Variants in TMEM39B observed in about 807,000 individuals in gnomAD.
TMEM39B encodes the protein transmembrane protein 39B.
Under a neutral mutation model 52.2 loss-of-function variants are expected in TMEM39B, and 23 were observed. The observed-to-expected ratio is 0.44, with a 90% CI of 0.32 to 0.62. The LOEUF (loss-of-function observed/expected upper bound fraction) is 0.62, where lower values mean the gene tolerates loss of function less well. TMEM39B is among the 20% of genes least tolerant of loss of function. The pLI is 0.06. For missense variants in TMEM39B, 547 were observed against 642.0 expected, an observed-to-expected ratio of 0.85 and a Z score of 1.60; for synonymous variants, 285 against 264.0, an observed-to-expected ratio of 1.08 and a Z score of -0.77.
At chr1:32,075,486 A>T (rs1639815469) in intron 2 of TMEM39B, 117 bp from the exon 3 acceptor site, 1 of 1,049,570 alleles carries the variant, frequency 9.5e-7, no homozygotes, top group African/African-American at 1.6e-5. Flanking sequence ...GATTAGGAAG[A>T]CCCCGTCCTT....
chr1:32,072,232 T>A (rs970272705), upstream of TMEM39B: 6 of 152,132 alleles, frequency 3.9e-5, no homozygotes, highest in African/African-American at 1.4e-4. Context: ...GAGGGAAGAA[T>A]CCTAATGACA....
intron 5 of TMEM39B, among the ~76,000 whole-genome samples, chr1:32,080,680 A>G (rs1168096190): frequency 1.3e-5 from 2 of 151,546 alleles, no homozygotes; most frequent in Admixed American, 6.6e-5. Flanking sequence ...GTCTCAAAAA[A>G]AAAAAAAAAA....
intron 1 of TMEM39B, chr1:32,073,558 C>A (rs1362495599): frequency 1.4e-5 from 14 of 992,276 alleles, no homozygotes; most frequent in African/African-American, 3.5e-5. Flanking sequence ...AGCTTCTGGG[C>A]TGAGGGGCTT....
intron 7 of TMEM39B, among the ~76,000 whole-genome samples, chr1:32,099,213 G>A (rs1640925604): frequency 6.7e-6 from 1 of 150,080 alleles, no homozygotes. Context: ...AGCCTGGGCG[G>A]CAGAGTGAGA....
chr1:32,084,668 C>G (rs1640262195), intron 5 of TMEM39B, among the ~76,000 whole-genome samples: 1 of 152,054 alleles, frequency 6.6e-6, no homozygotes, highest in Non-Finnish European at 1.5e-5. Flanking sequence ...CTCCCGAGTT[C>G]AAGTGATTCT....
chr1:32,076,767 TC>T lies in TMEM39B; in HGVS notation c.358del (p.His120IlefsTer2), dbSNP rs1339481511. On this transcript the variant is annotated frameshift_variant, in exon 4 of 9. Coordinates refer to ENST00000336294, the MANE Select transcript of TMEM39B (RefSeq NM_018056.4). LOFTEE classifies it high-confidence loss of function. ...SHPPSHTSLN[F>X]HLIDFNLLMV... ...CAGGCCTCTGCCCCCTGACAGAACTTCCATCTGATCGACTTCAACTTGCTGA... is the reference window on the plus strand; with the variant it reads ...CAGGCCTCTGCCCCCTGACAGAACTTCATCTGATCGACTTCAACTTGCTGA... 2.5e-6 allele frequency: 4 copies of T among 1,613,650 alleles called. No individual in the cohort carries two copies. Among genetic ancestry groups the T allele is most frequent in the Non-Finnish European group, 3.4e-6 (4 of 1,179,920 alleles).
At chr1:32,085,840 A>G (rs1640326817) in intron 5 of TMEM39B, among the ~76,000 whole-genome samples, 3 of 151,922 alleles carry the variant, frequency 2.0e-5, no homozygotes, top group East Asian at 1.9e-4. Context: ...TTTTCCAAGT[A>G]TAGTTGGCTT....
chr1:32,086,462 G>GT, intron 5 of TMEM39B, among the ~76,000 whole-genome samples: 1 of 152,222 alleles, frequency 6.6e-6, no homozygotes, highest in Non-Finnish European at 1.5e-5. Flanking sequence ...TGAACCCTTA[G>GT]TACACACACA....
At chr1:32,075,145 G>C in intron 2 of TMEM39B, 68 bp downstream of exon 2, 1 of 1,484,770 alleles carries the variant, frequency 6.7e-7, no homozygotes, top group Non-Finnish European at 9.0e-7. Flanking sequence ...GGCTCTCTCT[G>C]ACTGGATTCT....
chr1:32,075,603 G>A lies in TMEM39B; in HGVS notation c.132G>A (p.Arg44=). 6.5e-7 allele frequency: 1 copy of A among 1,549,612 alleles called. No individual in the cohort carries two copies. The highest frequency in any genetic ancestry group is 8.7e-7 in the Non-Finnish European group (1 of 1,145,976). ...GATGTTGTTCCCTCCCCACTGTCAG[G>A]AGCAGTTCTGGAACAGGCCTCTCCA... ...ASVTSVRSRT[R]SSSGTGLSSP... Residue 44 remains arginine (R), a splice_region_variant and synonymous_variant, in exon 3 of 9, where the codon AGG becomes AGA. Transcript: ENST00000336294.
At chr1:32,095,936 G>C (rs1256138873) in intron 7 of TMEM39B, among the ~76,000 whole-genome samples, 1 of 152,166 alleles carries the variant, frequency 6.6e-6, no homozygotes, top group Non-Finnish European at 1.5e-5. Flanking sequence ...GGGCTCTGAG[G>C]GGTGGGAGGA....
In TMEM39B at chr1:32,075,766, A is replaced by G. The variant is rs1639825790; in HGVS notation, c.295A>G (p.Ile99Val). Residue 99 changes from isoleucine (I) to valine (V), a missense_variant, in exon 3 of 9, where the codon ATC becomes GTC. Transcript: ENST00000336294. ...LIALFVHYINIYKTVWWYPPS... is the reference protein window; with the variant it reads ...LIALFVHYINVYKTVWWYPPS... Reference sequence around the variant, plus strand: ...AGCACTCTTCGTCCACTACATCAACATCTACAAGACAGTGTGGTGGTATCC... The same window carrying G: ...AGCACTCTTCGTCCACTACATCAACGTCTACAAGACAGTGTGGTGGTATCC... 6.4e-7 allele frequency: 1 copy of G among 1,550,496 alleles called. No homozygotes were observed. The highest frequency in any genetic ancestry group is 1.4e-5 in the African/African-American group (1 of 73,128).
rs867278366 is a variant in TMEM39B, at chr1:32,073,996, G to A, written c.4+945G>A. 21 of 673,790 alleles carry A rather than the reference G, an allele frequency of 3.1e-5. No homozygotes were observed. In the Middle Eastern group the frequency reaches 2.3e-3, roughly 74 times the overall value. The allele number at this position is 673,790 out of a possible 1,614,324, so 41.7% of individuals were successfully genotyped here. A position where few individuals can be genotyped will look rare whatever the true frequency, so the allele number is the denominator to read the frequency against. On this transcript the variant is annotated intron_variant, in intron 1 of 8. Coordinates refer to ENST00000336294, the MANE Select transcript of TMEM39B (RefSeq NM_018056.4). ...ACTCCTGGTCTCAAGCGATCCTCCC[G>A]CCTCGGCCTCACAAATTGCTGAGAT...
chr1:32,075,703 A>T lies in TMEM39B; in HGVS notation c.232A>T (p.Ile78Phe). The T allele has an allele frequency of 1.3e-6, 2 of 1,551,772 alleles. No individual in the cohort carries two copies. The highest frequency in any genetic ancestry group is 2.4e-5 in the South Asian group (2 of 84,046). ...CCCCGAGCTGCCAGTCCAGGCCAGC[A>T]TTCTGTTTGAGTTGCAGCTCTTCTT... Reference protein sequence around the residue: ...KIPELPVQASILFELQLFFCQ... With the variant: ...KIPELPVQASFLFELQLFFCQ... Residue 78 changes from isoleucine (I) to phenylalanine (F), a missense_variant, in exon 3 of 9, where the codon ATT becomes TTT. Physicochemically the swap from Ile to Phe is conservative, Grantham distance 21 (BLOSUM62 0). Coordinates refer to ENST00000336294, the MANE Select transcript of TMEM39B (RefSeq NM_018056.4).
At position 32,089,520 on chromosome 1, in the gene TMEM39B, A is replaced by G. The variant is rs1043092878; in HGVS notation, c.591-2155A>G. On this transcript the variant is annotated intron_variant, in intron 5 of 8. Transcript: ENST00000336294. ...GTTTTTATATTACGGACTGTACAGTATAATTGACCACAATTATGGTAGCAT... is the reference window on the plus strand; with the variant it reads ...GTTTTTATATTACGGACTGTACAGTGTAATTGACCACAATTATGGTAGCAT... Among the ~76,000 whole-genome samples the G allele has an allele frequency of 5.3e-5, 8 of 151,998 alleles. No homozygotes were observed. In the East Asian group the frequency reaches 9.6e-4, roughly 18 times the overall value.
At chr1:32,090,796 C>T (rs1468176234) in intron 5 of TMEM39B, among the ~76,000 whole-genome samples, 5 of 152,140 alleles carry the variant, frequency 3.3e-5, no homozygotes, top group Admixed American at 1.3e-4. Context: ...CCCGCCACCA[C>T]GCCCGGCTAA....
At position 32,094,001 on chromosome 1, in the gene TMEM39B, G is replaced by T. The variant is rs186225635; in HGVS notation, c.928-783G>T. On this transcript the variant is annotated intron_variant, in intron 6 of 8. Transcript: ENST00000336294. ...GCCCGGCTAATTTTTTGTATTTTTAGTAGAGATGGGGTTTCACCGTGTTAG... is the reference window on the plus strand; with the variant it reads ...GCCCGGCTAATTTTTTGTATTTTTATTAGAGATGGGGTTTCACCGTGTTAG... 9.7e-3 allele frequency among the ~76,000 whole-genome samples: 1,420 copies of T among 146,012 alleles called. 2 individuals are homozygous for T. Among genetic ancestry groups the T allele is most frequent in the Non-Finnish European group, 0.01 (702 of 66,916 alleles).
intron 4 of TMEM39B, 130 bp from the exon 5 acceptor site, chr1:32,077,034 C>A (rs1639892198): frequency 2.2e-6 from 3 of 1,380,320 alleles, no homozygotes; most frequent in Admixed American, 1.9e-5. Context: ...ATTTACCTTG[C>A]CAGGTTCTGC....
At chr1:32,072,265 A>G (rs570960508), upstream of TMEM39B, 1 of 150,380 alleles carries the variant, frequency 6.6e-6, no homozygotes, top group East Asian at 2.1e-4. Context: ...CATTTAGTCA[A>G]TGCTTCTCCA....
Sources: allele counts gnomAD v4.1 joint callset (sites outside exome capture counted in the v4.1 genomes callset), GRCh38; gene constraint gnomAD v4.1.1; transcripts MANE v1.5; gene names NCBI Gene and HGNC (gene_info 2026-07-23, HGNC 2026-07-21).